Variants in LIMS1 observed in about 807,000 individuals in gnomAD.
LIMS1 encodes the protein LIM zinc finger domain containing 1.
LIMS1 carries 18 observed loss-of-function variants against 44.1 expected under a neutral mutation model. That is an observed-to-expected ratio of 0.41 (90% CI 0.28 to 0.61). LIMS1 has a LOEUF of 0.61. Ranked by LOEUF, LIMS1 falls within the 20% of genes least tolerant of loss-of-function variation. LIMS1 has a pLI of 0.32. For missense variants in LIMS1, 201 were observed against 422.0 expected, an observed-to-expected ratio of 0.48 and a Z score of 4.59; for synonymous variants, 93 against 149.1, an observed-to-expected ratio of 0.62 and a Z score of 2.74.
intron 1 of LIMS1, among the ~76,000 whole-genome samples, chr2:108,540,813 C>T (rs930808856): frequency 2.6e-5 from 4 of 152,072 alleles, no homozygotes; most frequent in African/African-American, 9.7e-5. Flanking sequence ...GGAATACAGC[C>T]CAAGATGTGG....
At chr2:108,534,984 CTG>C (rs1266540524) in intron 1 of LIMS1, among the ~76,000 whole-genome samples, 1 of 152,232 alleles carries the variant, frequency 6.6e-6, no homozygotes, top group African/African-American at 2.4e-5. Context: ...TCTCCATAGA[CTG>C]TACTAGAAAG....
At chr2:108,542,860 G>C (rs1278687389) in intron 1 of LIMS1, among the ~76,000 whole-genome samples, 1 of 152,176 alleles carries the variant, frequency 6.6e-6, no homozygotes, top group African/African-American at 2.4e-5. Context: ...AGAATGCATT[G>C]GGTAAGATTC....
At chr2:108,554,189 G>A (rs888022557) in intron 1 of LIMS1, among the ~76,000 whole-genome samples, 8 of 152,176 alleles carry the variant, frequency 5.3e-5, no homozygotes, top group African/African-American at 1.9e-4. Context: ...GATAGAAGAG[G>A]TGGTGGAGGA....
chr2:108,576,778 C>T (rs1255344962), intron 1 of LIMS1, among the ~76,000 whole-genome samples: 3 of 152,140 alleles, frequency 2.0e-5, no homozygotes, highest in Admixed American at 6.5e-5. Flanking sequence ...AGTTCCCAGT[C>T]TCAGAGGTTA....
chr2:108,549,789 C>T (rs954699700), intron 1 of LIMS1, among the ~76,000 whole-genome samples: 55 of 152,084 alleles, frequency 3.6e-4, no homozygotes, highest in African/African-American at 1.3e-3. Flanking sequence ...TAGCAAAAAG[C>T]TAATTATTAA....
At chr2:108,645,128 C>G (rs997932945) in intron 1 of LIMS1, among the ~76,000 whole-genome samples, 1 of 151,956 alleles carries the variant, frequency 6.6e-6, no homozygotes, top group Non-Finnish European at 1.5e-5. Flanking sequence ...GGCCAACATT[C>G]AAATTAAGGA....
At chr2:108,674,489 G>T (rs1456433314) in intron 5 of LIMS1, among the ~76,000 whole-genome samples, 1 of 151,822 alleles carries the variant, frequency 6.6e-6, no homozygotes, top group East Asian at 1.9e-4. Flanking sequence ...TTGGGAGGCC[G>T]AGGCGGGTGG....
intron 1 of LIMS1, among the ~76,000 whole-genome samples, chr2:108,565,698 C>G (rs1478694725): frequency 6.6e-6 from 1 of 152,124 alleles, no homozygotes; most frequent in Non-Finnish European, 1.5e-5. Context: ...TAACAAAATA[C>G]CACAGACTGG....
At chr2:108,585,826 A>C (rs1386344693) in intron 1 of LIMS1, among the ~76,000 whole-genome samples, 2 of 152,176 alleles carry the variant, frequency 1.3e-5, no homozygotes, top group Non-Finnish European at 2.9e-5. Flanking sequence ...GGCTTTTAAG[A>C]GCTGTGACTG....
intron 5 of LIMS1, 28 bp downstream of exon 5, chr2:108,673,057 A>G (rs1384554069): frequency 6.9e-6 from 6 of 874,682 alleles, no homozygotes; most frequent in Non-Finnish European, 1.0e-5. Context: ...TTTTTATTAC[A>G]CAAGCAGTGG....
At chr2:108,560,361 GAGGCCCCAC>G (rs1209848845) in intron 1 of LIMS1, among the ~76,000 whole-genome samples, 7 of 152,120 alleles carry the variant, frequency 4.6e-5, no homozygotes, top group Non-Finnish European at 7.4e-5. Flanking sequence ...AGAGACCCAT[GAGGCCCCAC>G]AGTGTTTGGC....
chr2:108,629,452 T>G (rs1474665650), intron 1 of LIMS1, among the ~76,000 whole-genome samples: 1 of 152,222 alleles, frequency 6.6e-6, no homozygotes, highest in African/African-American at 2.4e-5. Context: ...GGTTGGATTA[T>G]TTCAAAAAGC....
chr2:108,628,190 A>G (rs1688689671), intron 1 of LIMS1, among the ~76,000 whole-genome samples: 2 of 152,140 alleles, frequency 1.3e-5, no homozygotes, highest in Admixed American at 6.5e-5. Context: ...CTTTCCCTTG[A>G]CTTCTTGAAG....
chr2:108,675,055 A>G lies in LIMS1; in HGVS notation c.531-823A>G, dbSNP rs539716046. ...TTTATGAAAATAAACCTATTAACCT[A>G]TAACTATTTTCAACAGCTTGTGACA... On this transcript the variant is annotated intron_variant, in intron 5 of 9. Transcript: ENST00000544547. Among the ~76,000 whole-genome samples the G allele has an allele frequency of 1.8e-4, 27 of 152,236 alleles. 2 individuals are homozygous for G. In the East Asian group the frequency reaches 4.8e-3, roughly 27 times the overall value.
chr2:108,571,131 C>T (rs551675460), intron 1 of LIMS1, among the ~76,000 whole-genome samples: 139 of 152,212 alleles, frequency 9.1e-4, no homozygotes, highest in Non-Finnish European at 1.5e-3. Context: ...ACCCTTCCCT[C>T]AAGAAGCTTA....
intron 1 of LIMS1, among the ~76,000 whole-genome samples, chr2:108,649,230 A>G (rs1232414418): frequency 6.6e-6 from 1 of 152,256 alleles, no homozygotes; most frequent in Middle Eastern, 3.2e-3. Flanking sequence ...AAAACAGCTC[A>G]TCATCACTGA....
intron 1 of LIMS1, among the ~76,000 whole-genome samples, chr2:108,601,153 G>T (rs1682748982): frequency 6.6e-6 from 1 of 152,042 alleles, no homozygotes; most frequent in Non-Finnish European, 1.5e-5. Flanking sequence ...ACCTTTAAGG[G>T]TAAACAAGCT....
At chr2:108,558,303 C>T (rs1274460528) in intron 1 of LIMS1, among the ~76,000 whole-genome samples, 4 of 151,802 alleles carry the variant, frequency 2.6e-5, no homozygotes, top group Non-Finnish European at 5.9e-5. Context: ...CTGCAAGCTC[C>T]ACCTCGTGGG....
At chr2:108,535,779 G>T (rs1381099968) in intron 1 of LIMS1, among the ~76,000 whole-genome samples, 1 of 152,142 alleles carries the variant, frequency 6.6e-6, no homozygotes, top group Non-Finnish European at 1.5e-5. Flanking sequence ...TCCTCAAAGT[G>T]ACAGACTCAC....
Sources: allele counts gnomAD v4.1 joint callset (sites outside exome capture counted in the v4.1 genomes callset), GRCh38; gene constraint gnomAD v4.1.1; transcripts MANE v1.5; gene names NCBI Gene and HGNC (gene_info 2026-07-23, HGNC 2026-07-21).